Variants in COL23A1 observed in about 807,000 individuals in gnomAD.
The protein encoded by COL23A1 is collagen type XXIII alpha 1 chain, also known as collagen alpha-1(XXIII) chain.
In COL23A1, 97 loss-of-function variants were observed where a neutral mutation model predicts 99.3. That is an observed-to-expected ratio of 0.98 (90% confidence interval 0.83 to 1.16). COL23A1 has a LOEUF of 1.16. COL23A1 is among the 50% of genes most tolerant of loss of function. The pLI is 0.00. For missense variants in COL23A1, 762 were observed against 757.4 expected, an observed-to-expected ratio of 1.01 and a Z score of -0.07; for synonymous variants, 320 against 308.2, an observed-to-expected ratio of 1.04 and a Z score of -0.40.
rs1761491252 is a variant in COL23A1 at position 178,544,782 on chromosome 5, C to T, written c.361+15900G>A. Among the ~76,000 whole-genome samples the T allele has an allele frequency of 6.6e-6, 1 of 152,148 alleles. No individual in the cohort carries two copies. The highest frequency in any genetic ancestry group is 1.5e-5 in the Non-Finnish European group (1 of 68,036). ...TGCCACTGGGGTAGTACGTTCGGGC[C>T]AGACGTGGTGGCTCATAGCTGTAAC... On this transcript the variant is annotated intron_variant, in intron 2 of 28. Coordinates refer to ENST00000390654, the MANE Select transcript of COL23A1 (RefSeq NM_173465.4). The surrounding 1 kb of genome is among the most constrained non-coding windows in gnomAD (Gnocchi z 4.4).
intron 1 of COL23A1, among the ~76,000 whole-genome samples, chr5:178,578,265 A>G (rs1414297175): frequency 2.6e-5 from 4 of 151,958 alleles, no homozygotes; most frequent in Admixed American, 1.3e-4. Flanking sequence ...ACACACACCC[A>G]TGTACACACA....
At position 178,425,970 on chromosome 5, in the gene COL23A1, C is replaced by T. The variant is rs149967890; in HGVS notation, c.362-119051G>A. Among the ~76,000 whole-genome samples the T allele has an allele frequency of 5.5e-4, 83 of 152,242 alleles. No homozygotes were observed. The East Asian group carries it at 0.015, about 27-fold the overall frequency. On this transcript the variant is annotated intron_variant, in intron 2 of 28. Coordinates refer to ENST00000390654, the MANE Select transcript of COL23A1 (RefSeq NM_173465.4). ...GAACACACACCCAGAAAAGGTGCCA[C>T]GGTGGGGTCCTGAGTTCACCTCTGA...
At chr5:178,522,685 G>C (rs34653108) in intron 2 of COL23A1, among the ~76,000 whole-genome samples, 53,398 of 152,078 alleles carry the variant, frequency 0.35, 11,028 homozygotes, top group Admixed American at 0.49. Flanking sequence ...TAGACGCGCT[G>C]TCTGTGATCC....
intron 1 of COL23A1, among the ~76,000 whole-genome samples, chr5:178,562,416 T>C (rs1271619443): frequency 8.6e-5 from 13 of 150,720 alleles, no homozygotes; most frequent in Non-Finnish European, 1.9e-4. Context: ...TAGCCGGGCG[T>C]GGTGGCGGGC....
At chr5:178,552,599 G>A (rs567483896) in intron 2 of COL23A1, among the ~76,000 whole-genome samples, 3 of 151,876 alleles carry the variant, frequency 2.0e-5, no homozygotes, top group Admixed American at 2.0e-4. Context: ...GGCTGGGCAA[G>A]GTGGCTCACC....
rs4976776 is a variant in COL23A1, at chr5:178,428,822, A to G, written c.362-121903T>C. Among the ~76,000 whole-genome samples, 1 of 151,990 alleles carries G rather than the reference A, an allele frequency of 6.6e-6. No homozygotes were observed. The highest frequency in any genetic ancestry group is 2.4e-5 in the African/African-American group (1 of 41,386). ...CATCTGCCCAGATGGGGGCTGTGCAAGCAGGGTCTGCAAGCAACTCTGCCC... is the reference window on the plus strand; with the variant it reads ...CATCTGCCCAGATGGGGGCTGTGCAGGCAGGGTCTGCAAGCAACTCTGCCC... On this transcript the variant is annotated intron_variant, in intron 2 of 28. Transcript: ENST00000390654. This position sits in a 1 kb window ranked among gnomAD's most constrained non-coding sequence, Gnocchi z 5.0.
intron 2 of COL23A1, among the ~76,000 whole-genome samples, chr5:178,452,909 C>A (rs922798356): frequency 6.6e-6 from 1 of 152,110 alleles, no homozygotes; most frequent in East Asian, 1.9e-4. Flanking sequence ...CCACTAGGAC[C>A]TAATCAGATA....
At chr5:178,562,334 C>T (rs6859361) in intron 1 of COL23A1, 12,610 of 231,684 alleles carry the variant, frequency 0.054, 505 homozygotes, top group Admixed American at 0.096. Context: ...GCCGGCGGAT[C>T]ACGAGGTCAG....
At chr5:178,330,023 G>A (rs1191124073) in intron 2 of COL23A1, among the ~76,000 whole-genome samples, 2 of 152,122 alleles carry the variant, frequency 1.3e-5, no homozygotes, top group East Asian at 3.9e-4. Context: ...TGTGACTATG[G>A]CGCCATCAGT....
chr5:178,584,167 G>A lies in COL23A1; in HGVS notation c.294+5737C>T, dbSNP rs561455313. ...TGGGATTACAGGCACATGTCACCAT[G>A]CCTGGCTAAATTTGGTGTTTTTAGT... On this transcript the variant is annotated intron_variant, in intron 1 of 28. Coordinates refer to ENST00000390654, the MANE Select transcript of COL23A1 (RefSeq NM_173465.4). Among the ~76,000 whole-genome samples, 5 of 152,204 alleles carry A rather than the reference G, an allele frequency of 3.3e-5. No homozygotes were observed. The East Asian group carries it at 9.7e-4, about 29-fold the overall frequency.
intron 2 of COL23A1, among the ~76,000 whole-genome samples, chr5:178,326,675 C>T (rs896220943): frequency 3.9e-5 from 6 of 152,228 alleles, no homozygotes; most frequent in African/African-American, 1.4e-4. Context: ...CCCACCTCAT[C>T]ATTCATCCAT....
chr5:178,446,143 T>C (rs2127850217), intron 2 of COL23A1, among the ~76,000 whole-genome samples: 2 of 152,176 alleles, frequency 1.3e-5, no homozygotes, highest in East Asian at 3.9e-4. Context: ...GGGGCGTTCT[T>C]AAATAGAAGA....
intron 2 of COL23A1, among the ~76,000 whole-genome samples, chr5:178,502,494 G>A (rs1278128521): frequency 6.6e-6 from 1 of 152,270 alleles, no homozygotes; most frequent in Admixed American, 6.5e-5. Flanking sequence ...CTAAACACAT[G>A]GAAAGATCCT....
chr5:178,572,366 T>C (rs758913324), intron 1 of COL23A1, among the ~76,000 whole-genome samples: 15 of 151,822 alleles, frequency 9.9e-5, no homozygotes, highest in African/African-American at 2.4e-4. Flanking sequence ...TTTTGAAGAA[T>C]AGTCAAAAAG....
intron 2 of COL23A1, among the ~76,000 whole-genome samples, chr5:178,554,958 C>T (rs577472278): frequency 1.3e-4 from 20 of 152,306 alleles, no homozygotes; most frequent in Admixed American, 9.8e-4. Context: ...TCTTTCCAAA[C>T]AGAAACGAGG....
At chr5:178,445,818 TA>T (rs1561978930) in intron 2 of COL23A1, among the ~76,000 whole-genome samples, 2 of 150,046 alleles carry the variant, frequency 1.3e-5, no homozygotes, top group African/African-American at 2.4e-5. Context: ...AATCAAAAAA[TA>T]AAAAAAAAGA....
chr5:178,585,204 G>A (rs1763865527), intron 1 of COL23A1, among the ~76,000 whole-genome samples: 1 of 152,194 alleles, frequency 6.6e-6, no homozygotes, highest in Non-Finnish European at 1.5e-5. Context: ...GAGAACTTAG[G>A]CGGGCCAGTG....
rs1239114252 is a variant in COL23A1, at chr5:178,247,492, T to C, written c.1296+34A>G. 1.9e-6 allele frequency: 3 copies of C among 1,612,790 alleles called. No individual in the cohort carries two copies. In the African/African-American group the frequency reaches 4.0e-5, roughly 22 times the overall value. On this transcript the variant is annotated intron_variant, in intron 22 of 28. Coordinates refer to ENST00000390654, the MANE Select transcript of COL23A1 (RefSeq NM_173465.4). Reference sequence around the variant, plus strand: ...TCTTGGAAACTGCCCAGACGGTGAGTCTGAGGCCAGTAGAGGGGTCTGTGC... The same window carrying C: ...TCTTGGAAACTGCCCAGACGGTGAGCCTGAGGCCAGTAGAGGGGTCTGTGC...
intron 2 of COL23A1, among the ~76,000 whole-genome samples, chr5:178,379,891 A>AG (rs1561920691): frequency 1.3e-5 from 2 of 151,904 alleles, no homozygotes; most frequent in African/African-American, 4.8e-5. Flanking sequence ...CAAAAAAAAA[A>AG]AAAAGAAAAG....
Sources: gnomAD v4.1 joint callset for allele counts (sites outside exome capture counted in the v4.1 genomes callset) on GRCh38, gnomAD v4.1.1 for gene constraint, Gnocchi (gnomAD v3.1) non-coding constraint, MANE v1.5 for transcripts, NCBI Gene and HGNC (gene_info 2026-07-23, HGNC 2026-07-21) for gene names.